Variants in MYDGF observed in about 807,000 individuals in gnomAD.
MYDGF encodes myeloid derived growth factor, also known as myeloid-derived growth factor.
A neutral mutation model predicts 24.2 loss-of-function variants in MYDGF; 29 were observed. The ratio of observed to expected loss-of-function variants is 1.20; its 90% CI spans 0.89 to 1.63. The LOEUF (loss-of-function observed/expected upper bound fraction) is 1.63, where lower values mean the gene tolerates loss of function less well. MYDGF is among the 40% of genes most tolerant of loss of function. The pLI, the probability that MYDGF is intolerant of heterozygous loss-of-function variation, is 0.00. For synonymous variants in MYDGF, 105 were observed against 102.5 expected, an observed-to-expected ratio of 1.02 and a Z score of -0.15; for missense variants, 245 against 234.8, an observed-to-expected ratio of 1.04 and a Z score of -0.29.
rs941503251 is a variant in MYDGF at position 4,668,824 on chromosome 19, G to A, written c.175-179C>T. On this transcript the variant is annotated intron_variant, in intron 1 of 5. Coordinates refer to ENST00000262947, the MANE Select transcript of MYDGF (RefSeq NM_019107.4). The stretch of plus-strand genomic sequence containing the variant: ...AGCCTCTCAAGTAACTGAGACAATA[G>A]GTACGCAACCACCACACCCGACTAA... 20 of 536,458 alleles carry A rather than the reference G, an allele frequency of 3.7e-5. 1 individual carries two copies. In the South Asian group the frequency reaches 4.1e-4, roughly 11 times the overall value. 33.2% of individuals were successfully genotyped at this position (536,458 alleles called of 1,614,324 possible).
At chr19:4,659,733 A>G in intron 5 of MYDGF, 198 bp downstream of exon 5, 5 of 600,714 alleles carry the variant, frequency 8.3e-6, no homozygotes, top group Non-Finnish European at 1.2e-5. Context: ...TTGTGCCACA[A>G]TGGCACAGCT....
intron 2 of MYDGF, among the ~76,000 whole-genome samples, chr19:4,665,820 CAAAA>C (rs533879529): frequency 4.4e-5 from 2 of 45,486 alleles, no homozygotes. Flanking sequence ...GACTCTGTCT[CAAAA>C]AAAAAAAAAA....
chr19:4,660,602 G>C (rs1195333606), intron 4 of MYDGF, 67 bp downstream of exon 4: 1 of 1,425,624 alleles, frequency 7.0e-7, no homozygotes, highest in Non-Finnish European at 9.9e-7. Context: ...CTTGTGGCAG[G>C]ACATCTCACA....
intron 1 of MYDGF, 50 bp downstream of exon 1, chr19:4,670,111 C>A (rs533791069): frequency 2.1e-4 from 306 of 1,426,210 alleles, no homozygotes; most frequent in Middle Eastern, 1.7e-3. Flanking sequence ...TCCGCGCCCC[C>A]TCCCCGGGCC....
intron 1 of MYDGF, 87 bp downstream of exon 1, chr19:4,670,074 C>A (rs2088553398): frequency 7.5e-7 from 1 of 1,339,642 alleles, no homozygotes; most frequent in East Asian, 3.0e-5. Flanking sequence ...CGGTCCGCGC[C>A]CCCTCCTCGG....
Position 4,664,937 on chromosome 19 carries a change from G to A in MYDGF, c.226C>T (p.Gln76Ter). The change falls in exon 3 of 6, where the codon CAA becomes TAA. Residue 76 changes from glutamine (Q) to a stop codon, truncating the protein, a stop_gained and splice_region_variant. Coordinates refer to ENST00000262947, the MANE Select transcript of MYDGF (RefSeq NM_019107.4). LOFTEE classifies it high-confidence loss of function. ...CTGGTCCCCAGACTCATCTGCCATT[G>A]CTGGGGAGAGAAGACAGCGCGGGTC... ...TYASQGGTNE[Q>*]WQMSLGTSED... is the part of the protein sequence containing the mutation. The A allele has an allele frequency of 6.2e-7, 1 of 1,612,736 alleles. No homozygotes were observed. The highest frequency in any genetic ancestry group is 1.1e-5 in the South Asian group (1 of 90,954).
intron 3 of MYDGF, among the ~76,000 whole-genome samples, chr19:4,662,373 C>T (rs1029621433): frequency 6.6e-6 from 1 of 152,208 alleles, no homozygotes; most frequent in Non-Finnish European, 1.5e-5. Flanking sequence ...ACATTCTGGG[C>T]CAAGGATCAG....
intron 1 of MYDGF, among the ~76,000 whole-genome samples, chr19:4,669,674 G>A (rs549225642): frequency 8.5e-5 from 13 of 152,206 alleles, no homozygotes; most frequent in Admixed American, 2.0e-4. Flanking sequence ...GGACTTTGCC[G>A]ACAAGCTGAG....
rs959486049 is a variant in MYDGF at position 4,670,141 on chromosome 19, G to T, written c.174+20C>A. 1 of 1,483,946 alleles carries T rather than the reference G, an allele frequency of 6.7e-7. No individual in the cohort carries two copies. Among genetic ancestry groups the T allele is most frequent in the Non-Finnish European group, 9.0e-7 (1 of 1,114,590 alleles). The allele number at this position is 1,483,946 out of a possible 1,614,324, so 91.9% of individuals were successfully genotyped here. Reference sequence around the variant, plus strand: ...CGGGCCTGCCAGCACTCAAATATCCGGGACGGCGGTGGCACGTACCCCCGG... The same window carrying T: ...CGGGCCTGCCAGCACTCAAATATCCTGGACGGCGGTGGCACGTACCCCCGG... On this transcript the variant is annotated intron_variant, in intron 1 of 5. Transcript: ENST00000262947.
chr19:4,670,072 G>T lies in MYDGF; in HGVS notation c.174+89C>A, dbSNP rs890093093. On this transcript the variant is annotated intron_variant, in intron 1 of 5. Coordinates refer to ENST00000262947, the MANE Select transcript of MYDGF (RefSeq NM_019107.4). ...TTCAGTACCCACCTCCGCGGTCCGC[G>T]CCCCCTCCTCGGGCCCCGCCCCCAA... 18 of 1,317,432 alleles carry T rather than the reference G, an allele frequency of 1.4e-5. No individual in the cohort carries two copies. In the Admixed American group the frequency reaches 4.5e-4, roughly 33 times the overall value. 81.6% of individuals were successfully genotyped at this position (1,317,432 alleles called of 1,614,324 possible). A position where few individuals can be genotyped will look rare whatever the true frequency, so the allele number is the denominator to read the frequency against.
intron 1 of MYDGF, 33 bp downstream of exon 1, chr19:4,670,128 C>T: frequency 6.8e-7 from 1 of 1,463,280 alleles, no homozygotes; most frequent in Non-Finnish European, 9.1e-7. Flanking sequence ...GGCCTGCCAG[C>T]ACTCAAATAT....
At chr19:4,670,091 C>T in intron 1 of MYDGF, 70 bp downstream of exon 1, 2 of 1,387,148 alleles carry the variant, frequency 1.4e-6, no homozygotes, top group South Asian at 3.3e-5. Flanking sequence ...TCGGGCCCCG[C>T]CCCCAATGCT....
chr19:4,668,683 A>C (rs560896322), intron 1 of MYDGF, 38 bp from the exon 2 acceptor site: 6 of 1,577,136 alleles, frequency 3.8e-6, no homozygotes, highest in African/African-American at 2.7e-5. Flanking sequence ...TGGTAGAAGG[A>C]AATTTTTATT....
In MYDGF at chr19:4,658,011, C is replaced by A. The variant is rs1300241831; in HGVS notation, c.516G>T (p.Glu172Asp). ...LVIVAKASRTEL is the reference protein window; with the variant it reads ...LVIVAKASRTDL ...CCCGCAACAGGGCTGCTGGTCACAG[C>A]TCAGTGCGCGATGCCTTGGCCACAA... is the stretch of plus-strand genomic sequence containing the variant. The change falls in exon 6 of 6, where the codon GAG becomes GAT. Residue 172 changes from glutamate to aspartate, a missense_variant. Physicochemically the swap from Glu to Asp is conservative, Grantham distance 45. Coordinates refer to ENST00000262947, the MANE Select transcript of MYDGF (RefSeq NM_019107.4). 6.2e-7 allele frequency: 1 copy of A among 1,609,632 alleles called. No individual in the cohort carries two copies. The highest frequency in any genetic ancestry group is 1.7e-5 in the Admixed American group (1 of 59,556).
Position 4,661,805 on chromosome 19 carries a change from G to A in MYDGF, c.288-1055C>T, listed in dbSNP as rs1321356752. ...AGGAGGCCTGGGGTGGCAGGTCTCC[G>A]GGGCTGAGCATGCCCCTGGGGAGCT... On this transcript the variant is annotated intron_variant, in intron 3 of 5. Coordinates refer to ENST00000262947, the MANE Select transcript of MYDGF (RefSeq NM_019107.4). Among the ~76,000 whole-genome samples the A allele has an allele frequency of 5.3e-5, 8 of 152,118 alleles. No homozygotes were observed. In the East Asian group the frequency reaches 1.3e-3, roughly 26 times the overall value.
chr19:4,669,585 G>A (rs899852599), intron 1 of MYDGF, among the ~76,000 whole-genome samples: 3 of 152,154 alleles, frequency 2.0e-5, no homozygotes, highest in Admixed American at 6.5e-5. Context: ...GCCACTGCAC[G>A]CAAGTCTAAA....
chr19:4,666,688 T>C (rs528381107), intron 2 of MYDGF, among the ~76,000 whole-genome samples: 1 of 152,356 alleles, frequency 6.6e-6, no homozygotes, highest in East Asian at 1.9e-4. Context: ...CGGACTGGGT[T>C]GGAAGTAACC....
intron 2 of MYDGF, 145 bp downstream of exon 2, chr19:4,668,450 T>G: frequency 1.6e-6 from 1 of 638,160 alleles, no homozygotes; most frequent in South Asian, 1.9e-5. Context: ...ATGCCAATAC[T>G]CTCCCTTTTT....
In MYDGF at chr19:4,666,513, C is replaced by T. The variant is rs539975869; in HGVS notation, c.226-1576G>A. Among the ~76,000 whole-genome samples, 14 of 152,120 alleles carry T rather than the reference C, an allele frequency of 9.2e-5. No homozygotes were observed. The South Asian group carries it at 1.9e-3, about 20-fold the overall frequency. ...CTGGTCTCAAACTCCCAACCTCAGG[C>T]GATCCACCTGCCTTGGCCTCTCAAA... On this transcript the variant is annotated intron_variant, in intron 2 of 5. Transcript: ENST00000262947.
Sources: allele counts gnomAD v4.1 joint callset (sites outside exome capture counted in the v4.1 genomes callset), GRCh38; gene constraint gnomAD v4.1.1; transcripts MANE v1.5; gene names NCBI Gene and HGNC (gene_info 2026-07-23, HGNC 2026-07-21).